TMX3: variants seen among roughly 807,000 people sequenced by gnomAD.
TMX3 encodes the protein protein disulfide-isomerase TMX3.
A neutral mutation model predicts 64.4 loss-of-function variants in TMX3; 40 were observed. That is an observed-to-expected ratio of 0.62 (90% confidence interval 0.48 to 0.81). TMX3 has a LOEUF of 0.81. TMX3 is among the 30% of genes least tolerant of loss of function. TMX3 has a pLI of 0.00. For missense variants in TMX3, 497 were observed against 534.5 expected (o/e 0.93, Z 0.69); for synonymous variants, 189 against 175.7 (o/e 1.08, Z -0.60).
At position 68,677,179 on chromosome 18, in the gene TMX3, G is replaced by C; in HGVS notation, c.1119C>G (p.Ser373Arg). Reference sequence around the variant, plus strand: ...AGAGAAAGCAGCCCATCAGTGGTGAGCTCTTGAATATAGACTGTGGAAAGA... The same window carrying C: ...AGAGAAAGCAGCCCATCAGTGGTGACCTCTTGAATATAGACTGTGGAAAGA... ...AKSTIVSIFK[S>R]SPLMGCFLFG... The change falls in exon 16 of 16, where the codon AGC becomes AGG. Residue 373 changes from serine to arginine, a missense_variant. By Grantham distance (110) the Ser-to-Arg change is moderately radical (BLOSUM62 -1). Coordinates refer to ENST00000299608, the MANE Select transcript of TMX3 (RefSeq NM_019022.5). 6.2e-7 allele frequency: 1 copy of C among 1,613,522 alleles called. No homozygotes were observed. The highest frequency in any genetic ancestry group is 8.5e-7 in the Non-Finnish European group (1 of 1,179,626).
chr18:68,701,900 A>T, intron 4 of TMX3, 110 bp from the exon 5 acceptor site: 2 of 789,238 alleles, frequency 2.5e-6, no homozygotes, highest in South Asian at 3.7e-5. Flanking sequence ...ACCCATATAG[A>T]TACGTTGTTT....
At chr18:68,708,709 G>T (rs1248544842) in intron 4 of TMX3, among the ~76,000 whole-genome samples, 1 of 152,128 alleles carries the variant, frequency 6.6e-6, no homozygotes, top group East Asian at 1.9e-4. Context: ...TCACAAAAAT[G>T]TGTATTACCT....
At chr18:68,696,063 AGT>A (rs759279981) in intron 8 of TMX3, among the ~76,000 whole-genome samples, 2 of 152,350 alleles carry the variant, frequency 1.3e-5, no homozygotes, top group East Asian at 1.9e-4. Context: ...TAAAAGTCTC[AGT>A]TCAAGTATTT....
chr18:68,697,769 A>C, intron 7 of TMX3, 163 bp downstream of exon 7: 1 of 516,732 alleles, frequency 1.9e-6, no homozygotes, highest in Non-Finnish European at 3.4e-6. Flanking sequence ...AACATGACAG[A>C]AGGTATAGAA....
intron 4 of TMX3, among the ~76,000 whole-genome samples, chr18:68,708,441 G>C (rs933257047): frequency 4.6e-5 from 7 of 151,518 alleles, no homozygotes; most frequent in African/African-American, 1.7e-4. Flanking sequence ...ACTATGCTAG[G>C]AATCTCACAC....
At chr18:68,711,470 CAG>C in intron 2 of TMX3, 67 bp from the exon 3 acceptor site, 1 of 1,105,830 alleles carries the variant, frequency 9.0e-7, no homozygotes, top group African/African-American at 1.6e-5. Flanking sequence ...ATAGTATAGG[CAG>C]AGATAATACA....
At chr18:68,687,297 C>A in intron 10 of TMX3, 1 of 985,346 alleles carries the variant, frequency 1.0e-6, no homozygotes, top group Non-Finnish European at 1.2e-6. Context: ...TACATTTTTC[C>A]CTTTCACAGG....
intron 4 of TMX3, chr18:68,706,419 T>G (rs1005546677): frequency 5.3e-5 from 8 of 151,278 alleles, no homozygotes; most frequent in African/African-American, 1.9e-4. Flanking sequence ...CTCAAAAAAA[T>G]AAAGAAATAA....
chr18:68,681,411 C>A (rs1946921808), intron 13 of TMX3: 2 of 931,540 alleles, frequency 2.1e-6, no homozygotes, highest in South Asian at 4.8e-5. Context: ...TATGGGTGGT[C>A]TGCACAATTC....
At chr18:68,687,289 C>T (rs1914059998) in intron 10 of TMX3, 3 of 985,422 alleles carry the variant, frequency 3.0e-6, no homozygotes, top group African/African-American at 3.5e-5. Flanking sequence ...ATTTAACTTA[C>T]ATTTTTCCCT....
At position 68,715,102 on chromosome 18, in the gene TMX3, G is replaced by T. The variant is rs534758219; in HGVS notation, c.-121C>A. 9.9e-6 allele frequency: 15 copies of T among 1,514,536 alleles called. No homozygotes were observed. The African/African-American group carries it at 2.0e-4, about 20-fold the overall frequency. The allele number at this position is 1,514,536 out of a possible 1,614,324, so 93.8% of individuals were successfully genotyped here. On this transcript the variant is annotated 5_prime_UTR_variant, in exon 1 of 16. Coordinates refer to ENST00000299608, the MANE Select transcript of TMX3 (RefSeq NM_019022.5). ...ACCCGGAGCGGAAGAGAAGCACCGC[G>T]CTAACTACGGGGGCGGGGCTACCCG...
At chr18:68,704,797 A>G (rs2030498948) in intron 4 of TMX3, among the ~76,000 whole-genome samples, 1 of 152,192 alleles carries the variant, frequency 6.6e-6, no homozygotes, top group Non-Finnish European at 1.5e-5. Context: ...TCTTCTTGAA[A>G]TGGTAACAGT....
intron 13 of TMX3, chr18:68,681,683 C>G (rs374552488): frequency 2.1e-6 from 2 of 945,398 alleles, no homozygotes. Flanking sequence ...ATAGAAGACA[C>G]CAAAATAACC....
chr18:68,685,481 T>C (rs1402464302), intron 10 of TMX3, among the ~76,000 whole-genome samples: 1 of 152,254 alleles, frequency 6.6e-6, no homozygotes, highest in African/African-American at 2.4e-5. Context: ...TATTCTTTTT[T>C]TGTATTATAT....
chr18:68,680,376 T>C (rs879862684), intron 14 of TMX3, among the ~76,000 whole-genome samples: 9 of 152,118 alleles, frequency 5.9e-5, no homozygotes, highest in Admixed American at 2.6e-4. Context: ...CTTTCTAATA[T>C]AGGTTGCAAT....
At chr18:68,706,490 T>A (rs1395661118) in intron 4 of TMX3, 1 of 151,890 alleles carries the variant, frequency 6.6e-6, no homozygotes, top group African/African-American at 2.4e-5. Flanking sequence ...CAAGACCCAA[T>A]TGCAAAGATT....
chr18:68,701,582 A>C (rs1426249594), intron 5 of TMX3, 163 bp downstream of exon 5: 1 of 1,478,862 alleles, frequency 6.8e-7, no homozygotes, highest in Non-Finnish European at 9.1e-7. Context: ...GAAGAAAAGC[A>C]TAAAGAAGCA....
At chr18:68,701,949 AC>A (rs1444435760) in intron 4 of TMX3, among the ~76,000 whole-genome samples, 159 bp from the exon 5 acceptor site, 11 of 151,910 alleles carry the variant, frequency 7.2e-5, no homozygotes, top group African/African-American at 2.2e-4. Context: ...AAAGAAAAAA[AC>A]ATGACATTCT....
chr18:68,705,704 C>T (rs1470183755), intron 4 of TMX3, among the ~76,000 whole-genome samples: 1 of 152,156 alleles, frequency 6.6e-6, no homozygotes, highest in African/African-American at 2.4e-5. Context: ...GAAGCTAAAA[C>T]ACCTATCTGA....
Sources: gnomAD v4.1 joint callset for allele counts (sites outside exome capture counted in the v4.1 genomes callset) on GRCh38, gnomAD v4.1.1 for gene constraint, MANE v1.5 for transcripts, NCBI Gene and HGNC (gene_info 2026-07-23, HGNC 2026-07-21) for gene names.